ZFAND6: variants seen among roughly 807,000 people sequenced by gnomAD.
ZFAND6 encodes the protein AN1-type zinc finger protein 6.
A neutral mutation model predicts 24.5 loss-of-function variants in ZFAND6; 12 were observed. That is an observed-to-expected ratio of 0.49 (90% CI 0.31 to 0.79). The LOEUF (loss-of-function observed/expected upper bound fraction) is 0.79. ZFAND6 is among the 30% of genes least tolerant of loss of function. The pLI, the probability that ZFAND6 is intolerant of heterozygous loss-of-function variation, is 0.04. For missense variants in ZFAND6, 207 were observed against 245.9 expected (o/e 0.84, Z 1.06); for synonymous variants, 92 against 81.5 (o/e 1.13, Z -0.69).
chr15:80,131,100 A>T, intron 5 of ZFAND6, 80 bp from the exon 6 acceptor site: 1 of 1,071,738 alleles, frequency 9.3e-7, no homozygotes, highest in Non-Finnish European at 1.3e-6. Flanking sequence ...TCCTCTGAAT[A>T]ATAGACTAGG....
rs1341941988 is a variant in ZFAND6, at chr15:80,137,467, A to C, written c.479-13A>C. ...ATCCTTCAACTCATGTATGTGTATTACTCCATTTCCAGGGTTTGAATGCCG... is the reference window on the plus strand; with the variant it reads ...ATCCTTCAACTCATGTATGTGTATTCCTCCATTTCCAGGGTTTGAATGCCG... On this transcript the variant is annotated splice_polypyrimidine_tract_variant and intron_variant, in intron 6 of 6. Transcript: ENST00000261749. 6.2e-7 allele frequency: 1 copy of C among 1,600,030 alleles called. No individual in the cohort carries two copies. The highest frequency in any genetic ancestry group is 8.5e-7 in the Non-Finnish European group (1 of 1,176,258).
chr15:80,128,577 T>C (rs1324804756), intron 5 of ZFAND6, among the ~76,000 whole-genome samples: 2 of 152,224 alleles, frequency 1.3e-5, no homozygotes, highest in Non-Finnish European at 2.9e-5. Flanking sequence ...TCATAGACTT[T>C]TAAAAATAGT....
intron 2 of ZFAND6, among the ~76,000 whole-genome samples, chr15:80,106,521 T>TA (rs2039334192): frequency 1.3e-5 from 2 of 151,870 alleles, no homozygotes; most frequent in African/African-American, 4.8e-5. Flanking sequence ...TTGCCAGCCC[T>TA]AATCTAGAGT....
intron 5 of ZFAND6, 141 bp downstream of exon 5, chr15:80,122,941 A>G (rs2040211824): frequency 1.9e-6 from 1 of 513,720 alleles, no homozygotes; most frequent in South Asian, 3.7e-5. Context: ...TATATCTTTA[A>G]GTATTTAATT....
intron 1 of ZFAND6, among the ~76,000 whole-genome samples, chr15:80,069,611 T>G (rs2036857188): frequency 6.6e-6 from 1 of 151,816 alleles, no homozygotes. Flanking sequence ...GGAAATATTT[T>G]TTTTATTTTT....
At chr15:80,101,988 G>T (rs531174840) in intron 2 of ZFAND6, among the ~76,000 whole-genome samples, 104 of 151,392 alleles carry the variant, frequency 6.9e-4, no homozygotes, top group Non-Finnish European at 1.3e-3. Context: ...AGAGAACGGG[G>T]TTTTTTAGCA....
At chr15:80,137,110 T>C (rs553664029) in intron 6 of ZFAND6, among the ~76,000 whole-genome samples, 63 of 152,364 alleles carry the variant, frequency 4.1e-4, no homozygotes, top group African/African-American at 1.4e-3. Context: ...TATTTGATCT[T>C]TCTTAAATAA....
intron 1 of ZFAND6, among the ~76,000 whole-genome samples, chr15:80,096,999 ATTTT>A (rs766620204): frequency 7.2e-6 from 1 of 138,764 alleles, no homozygotes; most frequent in African/African-American, 2.7e-5. Flanking sequence ...AATGTGTTAG[ATTTT>A]TTTTTTTTTT....
At chr15:80,116,023 G>T (rs1447640913) in intron 2 of ZFAND6, among the ~76,000 whole-genome samples, 1 of 151,216 alleles carries the variant, frequency 6.6e-6, no homozygotes, top group Non-Finnish European at 1.5e-5. Context: ...GTATAGCATA[G>T]TTGGTGGTTT....
intron 4 of ZFAND6, 96 bp downstream of exon 4, chr15:80,121,916 T>A: frequency 2.8e-6 from 3 of 1,086,400 alleles, no homozygotes; most frequent in Non-Finnish European, 3.9e-6. Context: ...TAAAGCTACT[T>A]TTAGATTAAC....
chr15:80,137,583 A>T lies in ZFAND6; in HGVS notation c.582A>T (p.Arg194Ser). The T allele has an allele frequency of 6.2e-7, 1 of 1,607,348 alleles. No homozygotes were observed. Among genetic ancestry groups the T allele is most frequent in the Non-Finnish European group, 8.5e-7 (1 of 1,177,868 alleles). Residue 194 changes from arginine to serine, a missense_variant, in exon 7 of 7, where the codon AGA becomes AGT. This residue lies in a region of ZFAND6 where 45 missense variants were observed against 67.7 expected (regional missense o/e 0.66). Transcript: ENST00000261749. ...AAGCCGATGCTGCTGAGAAAATCAG[A>T]AAAGAAAATCCAGTAGTTGTTGGTG... ...NYKADAAEKI[R>S]KENPVVVGEK... is the part of the protein sequence containing the mutation.
intron 2 of ZFAND6, among the ~76,000 whole-genome samples, chr15:80,116,063 A>AT (rs2039862229): frequency 7.7e-6 from 1 of 129,100 alleles, no homozygotes; most frequent in African/African-American, 2.9e-5. Flanking sequence ...TTTTTTCTCT[A>AT]TTTTTTCCCT....
chr15:80,084,971 C>G (rs180731621), intron 1 of ZFAND6, among the ~76,000 whole-genome samples: 3 of 152,192 alleles, frequency 2.0e-5, no homozygotes, highest in Non-Finnish European at 2.9e-5. Flanking sequence ...TCCTTTTGCT[C>G]TAGAGCTCTA....
At chr15:80,127,361 G>A (rs530319037) in intron 5 of ZFAND6, among the ~76,000 whole-genome samples, 1 of 152,126 alleles carries the variant, frequency 6.6e-6, no homozygotes, top group South Asian at 2.1e-4. Context: ...GCTGAGGCGG[G>A]CGGATCACCT....
At chr15:80,063,401 A>AT (rs533900924) in intron 1 of ZFAND6, among the ~76,000 whole-genome samples, 1 of 150,732 alleles carries the variant, frequency 6.6e-6, no homozygotes, top group Non-Finnish European at 1.5e-5. Context: ...CTTTTTTTGT[A>AT]TTTTTTTTGA....
At chr15:80,078,871 TC>T (rs1251938975) in intron 1 of ZFAND6, among the ~76,000 whole-genome samples, 9 of 151,924 alleles carry the variant, frequency 5.9e-5, no homozygotes, top group Non-Finnish European at 1.2e-4. Context: ...CTTTTTTTTT[TC>T]ATTTGCTCAA....
intron 1 of ZFAND6, among the ~76,000 whole-genome samples, chr15:80,081,672 A>G (rs2037678958): frequency 1.3e-5 from 2 of 152,188 alleles, no homozygotes; most frequent in Admixed American, 6.5e-5. Context: ...AGCTACTGTG[A>G]TTGGCTGAGA....
intron 2 of ZFAND6, among the ~76,000 whole-genome samples, chr15:80,103,386 A>G (rs1399871780): frequency 6.6e-6 from 1 of 152,166 alleles, no homozygotes; most frequent in Non-Finnish European, 1.5e-5. Flanking sequence ...ATTTAGGGAA[A>G]AAATTTGGAG....
intron 1 of ZFAND6, among the ~76,000 whole-genome samples, chr15:80,081,692 T>A (rs1472368592): frequency 6.6e-6 from 1 of 152,232 alleles, no homozygotes; most frequent in Non-Finnish European, 1.5e-5. Context: ...ACTTGGCTAC[T>A]TATTACAAGA....
Sources: gnomAD v4.1 joint callset for allele counts (sites outside exome capture counted in the v4.1 genomes callset) on GRCh38, gnomAD v4.1.1 for gene constraint, gnomAD v4.1.1 regional missense constraint, MANE v1.5 for transcripts, NCBI Gene and HGNC (gene_info 2026-07-23, HGNC 2026-07-21) for gene names.